RPL18A: variants seen among roughly 807,000 people sequenced by gnomAD.
RPL18A encodes large ribosomal subunit protein eL20.
For synonymous variants in RPL18A, 122 were observed against 96.9 expected, an observed-to-expected ratio of 1.26 and a Z score of -1.52; for missense variants, 163 against 254.1, an observed-to-expected ratio of 0.64 and a Z score of 2.44.
intron 3 of RPL18A, 186 bp downstream of exon 3, chr19:17,862,409 AATCAC>A: frequency 1.4e-6 from 1 of 716,984 alleles, no homozygotes; most frequent in Non-Finnish European, 2.4e-6. Context: ...CTCGGTTGTA[AATCAC>A]ATCACATCTG....
Position 17,861,575 on chromosome 19 carries a change from C to T in RPL18A, c.198+103C>T, listed in dbSNP as rs2094277416. On this transcript the variant is annotated intron_variant, in intron 2 of 4. Coordinates refer to ENST00000222247, the MANE Select transcript of RPL18A (RefSeq NM_000980.4). The stretch of plus-strand genomic sequence containing the variant: ...CAGACATCGAACGGGTGCGGTAGCT[C>T]AACGCCTGTAATCCCATCACATCAG... 6 of 894,768 alleles carry T rather than the reference C, an allele frequency of 6.7e-6. No individual in the cohort carries two copies. The South Asian group carries it at 6.8e-5, about 10-fold the overall frequency. The allele number at this position is 894,768 out of a possible 1,614,324, so 55.4% of individuals were successfully genotyped here. A position where few individuals can be genotyped will look rare whatever the true frequency, so the allele number is the denominator to read the frequency against.
chr19:17,862,086 C>T lies in RPL18A; in HGVS notation c.199-8C>T, dbSNP rs778125966. The T allele has an allele frequency of 5.6e-6, 9 of 1,609,516 alleles. No homozygotes were observed. Among genetic ancestry groups the T allele is most frequent in the Non-Finnish European group, 6.8e-6 (8 of 1,178,480 alleles). ...CTCTCACATCTCCCTGTGGCCTCTC[C>T]TTGGCAGGTGTTTGAGAAGTCCCCC... On this transcript the variant is annotated splice_region_variant and splice_polypyrimidine_tract_variant and intron_variant, in intron 2 of 4. Coordinates refer to ENST00000222247, the MANE Select transcript of RPL18A (RefSeq NM_000980.4).
intron 3 of RPL18A, chr19:17,862,561 G>A (rs1234945393): frequency 4.3e-6 from 3 of 701,622 alleles, no homozygotes; most frequent in Admixed American, 3.5e-5. Flanking sequence ...CACCTGCCAG[G>A]GTCTGTGAGA....
chr19:17,863,078 G>T (rs1410357473), intron 4 of RPL18A, 51 bp downstream of exon 4: 2 of 1,558,696 alleles, frequency 1.3e-6, no homozygotes, highest in Admixed American at 3.4e-5. Flanking sequence ...TCTGACGCAG[G>T]AGCCCAGTGG....
intron 1 of RPL18A, chr19:17,860,728 C>T (rs1217785967): frequency 6.4e-6 from 1 of 155,052 alleles, no homozygotes; most frequent in African/African-American, 2.4e-5. Context: ...ACCTCTGCAT[C>T]TGTAAACCGG....
At chr19:17,860,624 T>A (rs145472276) in intron 1 of RPL18A, 1 of 152,696 alleles carries the variant, frequency 6.5e-6, no homozygotes, top group African/African-American at 2.4e-5. Flanking sequence ...TTGTGACTAT[T>A]TTTCATTGAT....
intron 1 of RPL18A, chr19:17,860,663 C>T (rs1434814305): frequency 1.3e-5 from 2 of 152,584 alleles, no homozygotes; most frequent in African/African-American, 4.8e-5. Flanking sequence ...GAGTCAGTTT[C>T]AGAGGTGGTT....
intron 2 of RPL18A, 92 bp downstream of exon 2, chr19:17,861,564 G>A (rs891963671): frequency 9.7e-7 from 1 of 1,030,330 alleles, no homozygotes; most frequent in Non-Finnish European, 1.4e-6. Context: ...CATCGAACGG[G>A]TGCGGTAGCT....
intron 3 of RPL18A, 123 bp downstream of exon 3, chr19:17,862,346 G>A: frequency 8.0e-7 from 1 of 1,244,078 alleles, no homozygotes; most frequent in South Asian, 1.4e-5. Context: ...GGCACAGGAA[G>A]ACAAAAGGAT....
chr19:17,862,591 G>A (rs1394419874), intron 3 of RPL18A: 2 of 702,852 alleles, frequency 2.8e-6, no homozygotes, highest in Admixed American at 1.8e-5. Context: ...CTCCCTGATT[G>A]CACCTAAACC....
chr19:17,862,889 C>T (rs368869642), intron 3 of RPL18A, 29 bp from the exon 4 acceptor site: 54 of 1,504,438 alleles, frequency 3.6e-5, no homozygotes, highest in Non-Finnish European at 4.4e-5. Flanking sequence ...CAGGCAACAC[C>T]GTCACCCTGG....
chr19:17,860,242 A>G (rs1266023337), intron 1 of RPL18A: 3 of 473,842 alleles, frequency 6.3e-6, no homozygotes, highest in African/African-American at 4.1e-5. Context: ...GTCGCGCAGC[A>G]TAGAGGCCCT....
chr19:17,862,807 A>G, intron 3 of RPL18A, 111 bp from the exon 4 acceptor site: 1 of 797,188 alleles, frequency 1.3e-6, no homozygotes, highest in Non-Finnish European at 2.2e-6. Context: ...GCCCTCAGGC[A>G]GTTGCTGTGA....
In RPL18A at chr19:17,861,208, T is replaced by C. The variant is rs1400739967; in HGVS notation, c.19-85T>C. ...TGCCTCCTGCTTCCCGAATCTGTGGTCACTAGATGTAGGAAAGGGAGTGAG... is the reference window on the plus strand; with the variant it reads ...TGCCTCCTGCTTCCCGAATCTGTGGCCACTAGATGTAGGAAAGGGAGTGAG... On this transcript the variant is annotated intron_variant, in intron 1 of 4. Coordinates refer to ENST00000222247, the MANE Select transcript of RPL18A (RefSeq NM_000980.4). 4.7e-6 allele frequency: 6 copies of C among 1,282,592 alleles called. No homozygotes were observed. In the East Asian group the frequency reaches 1.5e-4, roughly 32 times the overall value. The allele number at this position is 1,282,592 out of a possible 1,614,324, so 79.5% of individuals were successfully genotyped here.
intron 1 of RPL18A, chr19:17,860,813 C>G (rs192069698): frequency 1.9e-4 from 31 of 165,176 alleles, no homozygotes; most frequent in Admixed American, 2.9e-4. Context: ...GGCAACAGTG[C>G]AGGGATCCCA....
At position 17,862,201 on chromosome 19, in the gene RPL18A, C is replaced by A; in HGVS notation, c.306C>A (p.Thr102=). The change falls in exon 3 of 5, where the codon ACC becomes ACA. Residue 102 remains threonine, a synonymous_variant. Coordinates refer to ENST00000222247, the MANE Select transcript of RPL18A (RefSeq NM_000980.4). ...NMYREYRDLT[T]AGAVTQCYRD... is the part of the protein sequence containing the mutation. ...ACCGGGAATACCGGGACCTGACCAC[C>A]GCAGGCGCTGTCACCCAGTGCTGTA... 1.9e-6 allele frequency: 3 copies of A among 1,613,514 alleles called. No individual in the cohort carries two copies. The highest frequency in any genetic ancestry group is 2.5e-6 in the Non-Finnish European group (3 of 1,180,014).
At position 17,863,040 on chromosome 19, in the gene RPL18A, G is replaced by A. The variant is rs756994099; in HGVS notation, c.438+13G>A. On this transcript the variant is annotated intron_variant, in intron 4 of 4. Transcript: ENST00000222247. The stretch of plus-strand genomic sequence containing the variant: ...CAAGCAGTTCCACGTGAGTGCCCTG[G>A]GGGACTCCCCTGGAGGGAAGTGCCT... The A allele has an allele frequency of 1.1e-5, 18 of 1,603,660 alleles. No individual in the cohort carries two copies. The highest frequency in any genetic ancestry group is 1.5e-5 in the Non-Finnish European group (18 of 1,171,318).
intron 4 of RPL18A, 67 bp downstream of exon 4, chr19:17,863,094 G>A (rs987565378): frequency 5.2e-6 from 8 of 1,543,502 alleles, no homozygotes; most frequent in African/African-American, 2.7e-5. Flanking sequence ...AGTGGGGGGC[G>A]GCTACACCTT....
chr19:17,860,500 G>T (rs1326461904), intron 1 of RPL18A, among the ~76,000 whole-genome samples: 1 of 152,226 alleles, frequency 6.6e-6, no homozygotes, highest in Non-Finnish European at 1.5e-5. Context: ...ATTATGTCCA[G>T]ATCTCCAGCT....
Sources: gnomAD v4.1 joint callset for allele counts (sites outside exome capture counted in the v4.1 genomes callset) on GRCh38, gnomAD v4.1.1 for gene constraint, MANE v1.5 for transcripts, NCBI Gene and HGNC (gene_info 2026-07-23, HGNC 2026-07-21) for gene names.